The following FIG4 variants were observed in gnomAD, a reference collection of about 807,000 sequenced individuals.
FIG4 encodes the protein FIG4 phosphoinositide 5-phosphatase, also known as polyphosphoinositide phosphatase.
FIG4 carries 112 observed loss-of-function variants against 118.6 expected under a neutral mutation model. The observed-to-expected ratio is 0.94, with a 90% CI of 0.81 to 1.11. FIG4 has a LOEUF of 1.11. Among genes scored for constraint, FIG4 ranks in the 50% least tolerant of loss-of-function variants. The pLI is 0.00. For missense variants in FIG4, 969 were observed against 1,111.7 expected (o/e 0.87, Z 1.83); for synonymous variants, 369 against 381.2 (o/e 0.97, Z 0.37).
intron 16 of FIG4, among the ~76,000 whole-genome samples, chr6:109,782,529 TTC>T (rs1456823782): frequency 6.6e-5 from 10 of 152,244 alleles, no homozygotes; most frequent in Non-Finnish European, 1.3e-4. Flanking sequence ...ACCACAAGAA[TTC>T]TGAGTTAAAA....
intron 22 of FIG4, among the ~76,000 whole-genome samples, chr6:109,815,496 C>CTG (rs58181285): frequency 9.4e-6 from 1 of 106,490 alleles, no homozygotes; most frequent in Non-Finnish European, 1.7e-5. Context: ...CTCCAGGCTG[C>CTG]CCCCCCCACC....
chr6:109,751,955 A>G (rs895562443), intron 10 of FIG4, among the ~76,000 whole-genome samples: 2 of 147,632 alleles, frequency 1.4e-5, no homozygotes, highest in African/African-American at 5.0e-5. Context: ...GTCGTTTAGC[A>G]TTAGGTATAT....
chr6:109,705,607 G>A (rs182043387), intron 1 of FIG4, among the ~76,000 whole-genome samples: 1 of 152,256 alleles, frequency 6.6e-6, no homozygotes, highest in East Asian at 1.9e-4. Flanking sequence ...TCTAGATATT[G>A]GAAGTACAGA....
intron 12 of FIG4, 45 bp downstream of exon 12, chr6:109,762,252 T>C (rs371408641): frequency 8.4e-7 from 1 of 1,195,966 alleles, no homozygotes; most frequent in Non-Finnish European, 1.3e-6. Flanking sequence ...TGATTTTTGC[T>C]CTTATGGGTA....
At chr6:109,746,383 A>G (rs1776498608) in intron 10 of FIG4, among the ~76,000 whole-genome samples, 1 of 152,120 alleles carries the variant, frequency 6.6e-6, no homozygotes, top group Non-Finnish European at 1.5e-5. Flanking sequence ...AAGAGTTTAT[A>G]ATGGAGAGAA....
At chr6:109,812,633 G>A (rs1400387981) in intron 22 of FIG4, among the ~76,000 whole-genome samples, 2 of 152,214 alleles carry the variant, frequency 1.3e-5, no homozygotes, top group African/African-American at 4.8e-5. Flanking sequence ...TTAGGCAACA[G>A]GAAGGTTATT....
At chr6:109,786,273 T>C (rs764650622) in intron 17 of FIG4, 29 bp from the exon 18 acceptor site, 10 of 1,597,920 alleles carry the variant, frequency 6.3e-6, no homozygotes, top group Non-Finnish European at 8.6e-6. Context: ...ATCTCAGACT[T>C]TTAGAGTAAC....
At chr6:109,732,746 G>A in intron 5 of FIG4, 59 bp downstream of exon 5, 1 of 1,015,352 alleles carries the variant, frequency 9.8e-7, no homozygotes, top group Non-Finnish European at 1.5e-6. Context: ...TTATTTTCCA[G>A]CGGGTAAAAG....
chr6:109,821,566 A>G (rs1779006740), intron 22 of FIG4, among the ~76,000 whole-genome samples: 1 of 151,984 alleles, frequency 6.6e-6, no homozygotes, highest in Non-Finnish European at 1.5e-5. Flanking sequence ...AGGACTGAAG[A>G]TGAAGTGTCA....
At chr6:109,792,368 C>T (rs1173979513) in intron 20 of FIG4, among the ~76,000 whole-genome samples, 1 of 152,184 alleles carries the variant, frequency 6.6e-6, no homozygotes, top group Non-Finnish European at 1.5e-5. Flanking sequence ...AATTATTTAA[C>T]AGCTTTTTAA....
intron 4 of FIG4, among the ~76,000 whole-genome samples, chr6:109,728,054 C>T (rs1775874741): frequency 6.6e-6 from 1 of 152,178 alleles, no homozygotes; most frequent in Admixed American, 6.5e-5. Flanking sequence ...GGACTACATA[C>T]TAGTGATCTT....
At chr6:109,771,728 A>AC (rs1777469996) in intron 15 of FIG4, among the ~76,000 whole-genome samples, 1 of 152,068 alleles carries the variant, frequency 6.6e-6, no homozygotes, top group Non-Finnish European at 1.5e-5. Flanking sequence ...CCTTTTCTGC[A>AC]CCCATAGTTT....
At chr6:109,724,913 G>A (rs576295284) in intron 3 of FIG4, among the ~76,000 whole-genome samples, 2 of 151,794 alleles carry the variant, frequency 1.3e-5, no homozygotes, top group Admixed American at 1.3e-4. Flanking sequence ...GTACAGCAGT[G>A]TTAACTGTAT....
intron 9 of FIG4, 95 bp downstream of exon 9, chr6:109,743,367 A>G: frequency 8.2e-7 from 1 of 1,221,956 alleles, no homozygotes; most frequent in Non-Finnish European, 1.2e-6. Context: ...TTAGGTTTTC[A>G]GGAGGTTTTA....
Position 109,791,576 on chromosome 6 carries a change from G to C in FIG4, c.2376+5G>C, listed in dbSNP as rs528952794. 6.8e-6 allele frequency: 11 copies of C among 1,613,096 alleles called. No homozygotes were observed. Among genetic ancestry groups the C allele is most frequent in the Non-Finnish European group, 9.3e-6 (11 of 1,179,600 alleles). On this transcript the variant is annotated splice_donor_5th_base_variant and intron_variant, in intron 20 of 22. Transcript: ENST00000230124. ...GACAGTGCCAAAGTGACCGAGGTGC[G>C]GGGGAGGGAAGCCTGTGGCATCCAG...
intron 8 of FIG4, among the ~76,000 whole-genome samples, chr6:109,742,132 G>C (rs1184375051): frequency 1.3e-5 from 2 of 152,016 alleles, no homozygotes; most frequent in African/African-American, 4.8e-5. Flanking sequence ...ATGTTGTGGA[G>C]GGTGAGCCAT....
chr6:109,768,569 C>G (rs1016579128), intron 15 of FIG4, among the ~76,000 whole-genome samples: 2 of 152,176 alleles, frequency 1.3e-5, no homozygotes, highest in African/African-American at 4.8e-5. Flanking sequence ...TCTCTCAAGG[C>G]TGCCATTGAG....
intron 16 of FIG4, 145 bp downstream of exon 16, chr6:109,777,205 G>A: frequency 1.5e-6 from 1 of 670,940 alleles, no homozygotes. Flanking sequence ...TGGGTACGTA[G>A]TAGGTGTATA....
At chr6:109,741,084 C>T (rs569303684) in intron 7 of FIG4, among the ~76,000 whole-genome samples, 28 of 152,206 alleles carry the variant, frequency 1.8e-4, no homozygotes, top group Admixed American at 9.2e-4. Flanking sequence ...GATTACAATT[C>T]GAAATGAGAG....
Sources: gnomAD v4.1 joint callset for allele counts (sites outside exome capture counted in the v4.1 genomes callset) on GRCh38, gnomAD v4.1.1 for gene constraint, MANE v1.5 for transcripts, NCBI Gene and HGNC (gene_info 2026-07-23, HGNC 2026-07-21) for gene names.